Variants in CD163 observed in about 807,000 individuals in gnomAD.
CD163 encodes the protein scavenger receptor cysteine-rich type 1 protein M130.
A neutral mutation model predicts 129.2 loss-of-function variants in CD163; 64 were observed. That is an observed-to-expected ratio of 0.50 (90% CI 0.41 to 0.61). The LOEUF (loss-of-function observed/expected upper bound fraction) is 0.61. CD163 is among the 20% of genes least tolerant of loss of function. The probability of loss-of-function intolerance (pLI) is 0.00; values close to 1 mark genes in which losing one functional copy is unlikely to be tolerated. For synonymous variants in CD163, 446 were observed against 478.5 expected, an observed-to-expected ratio of 0.93 and a Z score of 0.89; for missense variants, 1,061 against 1,377.9, an observed-to-expected ratio of 0.77 and a Z score of 3.64.
chr12:7,474,160 A>G (rs1949051904), intron 16 of CD163, among the ~76,000 whole-genome samples: 1 of 152,138 alleles, frequency 6.6e-6, no homozygotes, highest in African/African-American at 2.4e-5. Flanking sequence ...TGTCAATATT[A>G]GACAGATCAA....
At position 7,496,932 on chromosome 12, in the gene CD163, T is replaced by C. The variant is rs1163602491; in HGVS notation, c.980A>G (p.His327Arg). 1.2e-6 allele frequency: 2 copies of C among 1,614,016 alleles called. No individual in the cohort carries two copies. The highest frequency in any genetic ancestry group is 1.7e-6 in the Non-Finnish European group (2 of 1,180,012). ...GRVNASKGFG[H>R]IWLDSVSCQG... ...GCAAGAAACGCTGTCAAGCCAGATG[T>C]GTCCAAATCCCTTACTGGCGTTAAC... The change falls in exon 5 of 17, where the codon CAC (histidine) becomes CGC (arginine). Residue 327 changes from histidine (H) to arginine (R), a missense_variant. Physicochemically the swap from His to Arg is conservative, Grantham distance 29. Coordinates refer to ENST00000432237, the MANE Select transcript of CD163 (RefSeq NM_203416.4). The surrounding 1 kb of genome is among the most constrained non-coding windows in gnomAD (Gnocchi z 4.8).
chr12:7,486,307 T>G (rs1266689461), intron 10 of CD163, among the ~76,000 whole-genome samples, 192 bp downstream of exon 10: 1 of 152,190 alleles, frequency 6.6e-6, no homozygotes, highest in East Asian at 1.9e-4. Flanking sequence ...GTCTTTTCTC[T>G]TTACAATGTT....
chr12:7,499,332 G>C, intron 3 of CD163, 144 bp from the exon 4 acceptor site: 1 of 627,184 alleles, frequency 1.6e-6, no homozygotes, highest in Non-Finnish European at 2.8e-6. Flanking sequence ...CCACACGGTA[G>C]AGAATTTTAA....
chr12:7,496,886 G>T lies in CD163; in HGVS notation c.1026C>A (p.Ile342=). 6.2e-7 allele frequency: 1 copy of T among 1,614,066 alleles called. No homozygotes were observed. Among genetic ancestry groups the T allele is most frequent in the Non-Finnish European group, 8.5e-7 (1 of 1,179,968 alleles). ...SVSCQGHEPA[I]WQCKHHEWGK... is the part of the protein sequence containing the mutation. ...CCCATTCATGGTGTTTACATTGCCAGATAGCAGGTTCATGTCCCTGGCAAG... is the reference window on the plus strand; with the variant it reads ...CCCATTCATGGTGTTTACATTGCCATATAGCAGGTTCATGTCCCTGGCAAG... Residue 342 remains isoleucine (I), a synonymous_variant, in exon 5 of 17, where the codon ATC becomes ATA. Transcript: ENST00000432237. The surrounding 1 kb of genome is among the most constrained non-coding windows in gnomAD (Gnocchi z 4.8).
In CD163 at chr12:7,479,869, T is replaced by A. The variant is rs779918471; in HGVS notation, c.*22A>T. On this transcript the variant is annotated 3_prime_UTR_variant, in exon 16 of 17. Transcript: ENST00000432237. ...AATTCTCATCACTCACCTCACTGGGTTATAAATTCCCATTTTCCTTTTCAG... is the reference window on the plus strand; with the variant it reads ...AATTCTCATCACTCACCTCACTGGGATATAAATTCCCATTTTCCTTTTCAG... 1 of 1,612,308 alleles carries A rather than the reference T, an allele frequency of 6.2e-7. No individual in the cohort carries two copies. Among genetic ancestry groups the A allele is most frequent in the Non-Finnish European group, 8.5e-7 (1 of 1,179,168 alleles).
chr12:7,477,528 T>C (rs1949103903), intron 16 of CD163, among the ~76,000 whole-genome samples: 1 of 151,626 alleles, frequency 6.6e-6, no homozygotes, highest in African/African-American at 2.4e-5. Context: ...TAAGTTGGAG[T>C]TGAACAATGA....
intron 16 of CD163, among the ~76,000 whole-genome samples, chr12:7,475,233 T>C (rs189150279): frequency 1.4e-3 from 207 of 152,180 alleles, no homozygotes; most frequent in Non-Finnish European, 2.3e-3. Context: ...CCCTAACTCA[T>C]TTTATGAGGT....
Position 7,487,826 on chromosome 12 carries a change from G to T in CD163, c.1682C>A (p.Pro561His), listed in dbSNP as rs1313979392. Residue 561 changes from proline (P) to histidine (H), a missense_variant, in exon 7 of 17, where the codon CCC (proline) becomes CAC (histidine). By Grantham distance (77) the Pro-to-His change is moderately conservative (BLOSUM62 -2). Coordinates refer to ENST00000432237, the MANE Select transcript of CD163 (RefSeq NM_203416.4). This position sits in a 1 kb window ranked among gnomAD's most constrained non-coding sequence, Gnocchi z 5.1. ...GTGGCTACAAGTTCCTTCTGGGCGG[G>T]GTGCTACTGGGCAGAGTGAAAGATG... ...ESHLSLCPVA[P>H]RPEGTCSHSR... The T allele has an allele frequency of 1.9e-6, 3 of 1,614,078 alleles. No individual in the cohort carries two copies. Among genetic ancestry groups the T allele is most frequent in the Non-Finnish European group, 2.5e-6 (3 of 1,180,014 alleles).
rs760941909 is a variant in CD163 at position 7,485,643 on chromosome 12, A to C, written c.2459-227T>G. On this transcript the variant is annotated intron_variant, in intron 10 of 16. Coordinates refer to ENST00000432237, the MANE Select transcript of CD163 (RefSeq NM_203416.4). This position sits in a 1 kb window ranked among gnomAD's most constrained non-coding sequence, Gnocchi z 4.5. ...TTTTGGTCTTTGGTTTTGGACTCAG[A>C]GTCCTCTTTAGATTACCCTCAATCA... Among the ~76,000 whole-genome samples the C allele has an allele frequency of 1.3e-5, 2 of 152,242 alleles. No individual in the cohort carries two copies. Among genetic ancestry groups the C allele is most frequent in the Non-Finnish European group, 2.9e-5 (2 of 68,018 alleles).
At chr12:7,500,351 G>A (rs1436279915) in intron 3 of CD163, among the ~76,000 whole-genome samples, 3 of 150,580 alleles carry the variant, frequency 2.0e-5, no homozygotes, top group African/African-American at 7.3e-5. Context: ...AACCCGGGAG[G>A]TGGAGGTTGC....
At position 7,487,478 on chromosome 12, in the gene CD163, T is replaced by C. The variant is rs1949268012; in HGVS notation, c.1931A>G (p.Gln644Arg). The C allele has an allele frequency of 1.9e-6, 3 of 1,614,152 alleles. No individual in the cohort carries two copies. Among genetic ancestry groups the C allele is most frequent in the Non-Finnish European group, 1.7e-6 (2 of 1,180,010 alleles). Residue 644 changes from glutamine (Q) to arginine (R), a missense_variant, in exon 8 of 17, where the codon CAG becomes CGG. Physicochemically the swap from Gln to Arg is conservative, Grantham distance 43. Transcript: ENST00000432237. This position sits in a 1 kb window ranked among gnomAD's most constrained non-coding sequence, Gnocchi z 5.1. ...GGARFGKGNG[Q>R]IWRHMFHCTG... ...GCAGTGAAACATATGCCTCCAGATC[T>C]GACCATTTCCTTTTCCAAAACGTGC...
intron 2 of CD163, among the ~76,000 whole-genome samples, chr12:7,502,060 T>G (rs1469922575): frequency 6.6e-6 from 1 of 152,210 alleles, no homozygotes; most frequent in Non-Finnish European, 1.5e-5. Flanking sequence ...GTTGCCTCCT[T>G]GGCATTATTT....
intron 16 of CD163, among the ~76,000 whole-genome samples, chr12:7,477,901 C>T (rs1782003782): frequency 6.6e-6 from 1 of 152,236 alleles, no homozygotes; most frequent in Admixed American, 6.5e-5. Flanking sequence ...GATTATAAAT[C>T]AAATATTATT....
intron 2 of CD163, among the ~76,000 whole-genome samples, chr12:7,502,256 A>G (rs1431101894): frequency 6.6e-6 from 1 of 152,170 alleles, no homozygotes; most frequent in Non-Finnish European, 1.5e-5. Context: ...CTTTAAGTAA[A>G]ATTCATTTCT....
intron 6 of CD163, among the ~76,000 whole-genome samples, chr12:7,490,645 A>G (rs1949314885): frequency 6.6e-6 from 1 of 151,996 alleles, no homozygotes; most frequent in Admixed American, 6.6e-5. Context: ...GCCCTTGCCA[A>G]TCTACATACT....
chr12:7,498,189 G>T (rs1283441640), intron 4 of CD163, among the ~76,000 whole-genome samples: 1 of 151,868 alleles, frequency 6.6e-6, no homozygotes, highest in Non-Finnish European at 1.5e-5. Context: ...GGTGAAGATA[G>T]GGATTTTTTA....
intron 6 of CD163, among the ~76,000 whole-genome samples, chr12:7,493,673 T>C (rs1949356467): frequency 6.6e-6 from 1 of 152,130 alleles, no homozygotes; most frequent in Admixed American, 6.6e-5. Context: ...ATATTTATAT[T>C]AGTAAATCAG....
chr12:7,491,714 TGAAGAAGTATAG>T (rs979874466), intron 6 of CD163, among the ~76,000 whole-genome samples: 7 of 152,146 alleles, frequency 4.6e-5, no homozygotes, highest in Admixed American at 2.0e-4. Flanking sequence ...TTTCAGACTC[TGAAGAAGTATAG>T]ATCATCATAA....
At chr12:7,486,198 C>A (rs1402773789) in intron 10 of CD163, among the ~76,000 whole-genome samples, 1 of 152,154 alleles carries the variant, frequency 6.6e-6, no homozygotes, top group Non-Finnish European at 1.5e-5. Context: ...TCAAGTGTTG[C>A]TATTGGATCG....
Sources: allele counts gnomAD v4.1 joint callset (sites outside exome capture counted in the v4.1 genomes callset), GRCh38; gene constraint gnomAD v4.1.1; non-coding constraint Gnocchi (gnomAD v3.1); transcripts MANE v1.5; gene names NCBI Gene and HGNC (gene_info 2026-07-23, HGNC 2026-07-21).